FECH: variants seen among roughly 807,000 people sequenced by gnomAD.
FECH encodes ferrochelatase, also known as ferrochelatase, mitochondrial.
FECH carries 40 observed loss-of-function variants against 56.9 expected under a neutral mutation model. The observed-to-expected ratio is 0.70, with a 90% CI of 0.55 to 0.92. FECH has a LOEUF of 0.92. Among genes scored for constraint, FECH ranks in the 40% least tolerant of loss-of-function variants. The pLI is 0.00. For synonymous variants in FECH, 175 were observed against 198.6 expected (o/e 0.88, Z 1.00); for missense variants, 431 against 529.1 (o/e 0.81, Z 1.82).
intron 7 of FECH, among the ~76,000 whole-genome samples, chr18:57,556,395 G>A (rs2050867521): frequency 6.6e-6 from 1 of 152,118 alleles, no homozygotes; most frequent in Non-Finnish European, 1.5e-5. Flanking sequence ...GATCAACACA[G>A]CAGACACACC....
At chr18:57,577,281 C>T (rs2051197773) in intron 2 of FECH, among the ~76,000 whole-genome samples, 2 of 152,104 alleles carry the variant, frequency 1.3e-5, no homozygotes, top group Admixed American at 1.3e-4. Flanking sequence ...TAAAGTTTTA[C>T]TGGAACACAG....
intron 7 of FECH, among the ~76,000 whole-genome samples, chr18:57,558,646 G>A (rs906620928): frequency 2.0e-5 from 3 of 152,194 alleles, no homozygotes; most frequent in Non-Finnish European, 2.9e-5. Flanking sequence ...GGAGCTGGGT[G>A]TGGTGGCTCA....
Position 57,562,934 on chromosome 18 carries a change from C to T in FECH, c.645G>A (p.Arg215=). The stretch of plus-strand genomic sequence containing the variant: ...TAGTGCTCCACTTCATCGTGGGCTT[C>T]CGTCCCACTTGATTATAGTATCTGT... ...AIYRYYNQVG[R]KPTMKWSTID... Residue 215 remains arginine (R), a synonymous_variant, in exon 6 of 11, where the codon CGG becomes CGA. Coordinates refer to ENST00000262093, the MANE Select transcript of FECH (RefSeq NM_000140.5). 6.2e-7 allele frequency: 1 copy of T among 1,614,084 alleles called. No homozygotes were observed. The highest frequency in any genetic ancestry group is 8.5e-7 in the Non-Finnish European group (1 of 1,180,016).
At chr18:57,582,841 G>A (rs1405696045) in intron 1 of FECH, among the ~76,000 whole-genome samples, 1 of 151,234 alleles carries the variant, frequency 6.6e-6, no homozygotes, top group African/African-American at 2.4e-5. Flanking sequence ...GAACCCGGGA[G>A]GTGGAGCTTG....
At chr18:57,553,172 C>T (rs1298509631) in intron 9 of FECH, among the ~76,000 whole-genome samples, 5 of 149,356 alleles carry the variant, frequency 3.3e-5, no homozygotes, top group Non-Finnish European at 6.0e-5. Context: ...ATTAGCCAAG[C>T]TCATAGTGAG....
In FECH at chr18:57,545,025, G is replaced by C. The variant is rs1568138101; in HGVS notation, c.*5687C>G. Reference sequence around the variant, plus strand: ...AAGGTAAAAATACAGAATACTACATGGATTATCAAGGTTAAATCTATTCTT... The same window carrying C: ...AAGGTAAAAATACAGAATACTACATCGATTATCAAGGTTAAATCTATTCTT... On this transcript the variant is annotated 3_prime_UTR_variant, in exon 11 of 11. Coordinates refer to ENST00000262093, the MANE Select transcript of FECH (RefSeq NM_000140.5). 6.6e-6 allele frequency among the ~76,000 whole-genome samples: 1 copy of C among 152,204 alleles called. No individual in the cohort carries two copies. Among genetic ancestry groups the C allele is most frequent in the East Asian group, 1.9e-4 (1 of 5,184 alleles).
At chr18:57,556,834 C>T (rs1051010613) in intron 7 of FECH, among the ~76,000 whole-genome samples, 1 of 142,876 alleles carries the variant, frequency 7.0e-6, no homozygotes, top group South Asian at 2.2e-4. Context: ...TCACCCAAGT[C>T]TGGTAGGTCG....
At chr18:57,552,395 T>A (rs1458588380) in intron 9 of FECH, among the ~76,000 whole-genome samples, 1 of 151,602 alleles carries the variant, frequency 6.6e-6, no homozygotes, top group Non-Finnish European at 1.5e-5. Flanking sequence ...TATTTTATTT[T>A]ATTTATTTAT....
In FECH at chr18:57,571,521, C is replaced by T. The variant is rs1389107704; in HGVS notation, c.334G>A (p.Ala112Thr). The stretch of plus-strand genomic sequence containing the variant: ...TGAATCTTGGGGGTTCGGCGTTTGG[C>T]GATGAATGGTGCCAGCTTACTAAAT... ...PIQNKLAPFIAKRRTPKIQEQ... is the reference protein window; with the variant it reads ...PIQNKLAPFITKRRTPKIQEQ... Residue 112 changes from alanine to threonine, a missense_variant, in exon 4 of 11, where the codon GCC (alanine) becomes ACC (threonine). By Grantham distance (58) the Ala-to-Thr change is moderately conservative. Coordinates refer to ENST00000262093, the MANE Select transcript of FECH (RefSeq NM_000140.5). 1.2e-6 allele frequency: 2 copies of T among 1,613,562 alleles called. No individual in the cohort carries two copies. The highest frequency in any genetic ancestry group is 8.5e-7 in the Non-Finnish European group (1 of 1,179,982).
At chr18:57,568,583 C>T (rs1358067897) in intron 4 of FECH, among the ~76,000 whole-genome samples, 43 of 152,086 alleles carry the variant, frequency 2.8e-4, no homozygotes, top group Non-Finnish European at 7.4e-5. Context: ...GGAGCCTCTC[C>T]GATGTTAACC....
In FECH at chr18:57,550,604, T is replaced by C. The variant is rs1272949731; in HGVS notation, c.*108A>G. 1.4e-6 allele frequency: 2 copies of C among 1,421,372 alleles called. No individual in the cohort carries two copies. The highest frequency in any genetic ancestry group is 1.7e-5 in the Admixed American group (1 of 58,332). 88.0% of individuals were successfully genotyped at this position (1,421,372 alleles called of 1,614,324 possible). The stretch of plus-strand genomic sequence containing the variant: ...TTTGTACCCAAAGGCTGTATATATA[T>C]CAAGGAAGGATGACTTCCTTCCTTG... On this transcript the variant is annotated 3_prime_UTR_variant, in exon 11 of 11. Transcript: ENST00000262093.
intron 2 of FECH, among the ~76,000 whole-genome samples, chr18:57,575,298 C>T (rs1417027258): frequency 2.0e-5 from 3 of 152,250 alleles, no homozygotes; most frequent in East Asian, 1.9e-4. Context: ...TTATTATGAA[C>T]GCTGAGGGGT....
chr18:57,547,417 A>T lies in FECH; in HGVS notation c.*3295T>A, dbSNP rs2050733882. On this transcript the variant is annotated 3_prime_UTR_variant, in exon 11 of 11. Transcript: ENST00000262093. Reference sequence around the variant, plus strand: ...GGTGGAAGGAGATTGGAACATGGAGACAGTTCCCCCATGCTGTTCTTGTGA... The same window carrying T: ...GGTGGAAGGAGATTGGAACATGGAGTCAGTTCCCCCATGCTGTTCTTGTGA... Among the ~76,000 whole-genome samples the T allele has an allele frequency of 6.6e-6, 1 of 152,076 alleles. No homozygotes were observed. The highest frequency in any genetic ancestry group is 1.5e-5 in the Non-Finnish European group (1 of 68,020).
chr18:57,573,443 A>C, intron 2 of FECH, 78 bp from the exon 3 acceptor site: 1 of 1,534,730 alleles, frequency 6.5e-7, no homozygotes, highest in South Asian at 1.1e-5. Context: ...TTCAGCCAGC[A>C]AACTCTAATC....
chr18:57,559,330 A>C, intron 6 of FECH, 87 bp from the exon 7 acceptor site: 1 of 983,470 alleles, frequency 1.0e-6, no homozygotes, highest in Non-Finnish European at 1.6e-6. Context: ...TGAAGCCTAC[A>C]CCAAAAATCT....
At chr18:57,555,592 T>G (rs554708280) in intron 7 of FECH, among the ~76,000 whole-genome samples, 2 of 152,336 alleles carry the variant, frequency 1.3e-5, no homozygotes, top group African/African-American at 4.8e-5. Flanking sequence ...AATGCAAATT[T>G]TAATGCTTTA....
intron 6 of FECH, among the ~76,000 whole-genome samples, chr18:57,562,638 T>G (rs1255912309): frequency 4.6e-5 from 7 of 152,256 alleles, no homozygotes; most frequent in African/African-American, 1.7e-4. Context: ...CGTTTTGTTA[T>G]GGTTTGGGAC....
chr18:57,548,857 T>C lies in FECH; in HGVS notation c.*1855A>G, dbSNP rs923876997. On this transcript the variant is annotated 3_prime_UTR_variant, in exon 11 of 11. Transcript: ENST00000262093. ...CTTCAGATATACTCGCAAGGGCTCC[T>C]GAATTGGAGTTTTCTGCATCATCTC... 1 of 152,254 alleles carries C rather than the reference T, an allele frequency of 6.6e-6. No individual in the cohort carries two copies. Among genetic ancestry groups the C allele is most frequent in the African/African-American group, 2.4e-5 (1 of 41,462 alleles). The allele number at this position is 152,254 out of a possible 1,614,324, so 9.4% of individuals were successfully genotyped here.
intron 5 of FECH, among the ~76,000 whole-genome samples, chr18:57,563,576 G>A (rs1274940764): frequency 4.9e-4 from 6 of 12,126 alleles, no homozygotes; most frequent in African/African-American, 1.8e-3. Context: ...GCGAAACTCC[G>A]TCCCAAAAAA....
Sources: allele counts gnomAD v4.1 joint callset (sites outside exome capture counted in the v4.1 genomes callset), GRCh38; gene constraint gnomAD v4.1.1; transcripts MANE v1.5; gene names NCBI Gene and HGNC (gene_info 2026-07-23, HGNC 2026-07-21).